Variants in PGPEP1L observed in about 807,000 individuals in gnomAD.
PGPEP1L encodes pyroglutamyl-peptidase I like.
In PGPEP1L, 7 loss-of-function variants were observed where a neutral mutation model predicts 6.0. The ratio of observed to expected loss-of-function variants is 1.17; its 90% CI spans 0.66 to 2.19. The LOEUF is 2.19. Among genes scored for constraint, PGPEP1L ranks in the 30% most tolerant of loss-of-function variants. The pLI, the probability that PGPEP1L is intolerant of heterozygous loss-of-function variation, is 0.00. For synonymous variants in PGPEP1L, 103 were observed against 83.9 expected, an observed-to-expected ratio of 1.23 and a Z score of -1.24; for missense variants, 209 against 192.5, an observed-to-expected ratio of 1.09 and a Z score of -0.51.
intron 2 of PGPEP1L, among the ~76,000 whole-genome samples, chr15:98,982,028 G>A (rs1465541536): frequency 6.6e-6 from 1 of 152,160 alleles, no homozygotes; most frequent in Non-Finnish European, 1.5e-5. Context: ...TGTCAACGTG[G>A]GAATGGATTT....
rs35480332 is a variant in PGPEP1L, at chr15:98,979,032, GATAT to G, written c.-141-7878_-141-7875del. Among the ~76,000 whole-genome samples the G allele has an allele frequency of 9.3e-3, 1,356 of 145,348 alleles. 15 individuals are homozygous for G. Among genetic ancestry groups the G allele is most frequent in the African/African-American group, 0.032 (1,207 of 37,648 alleles). On this transcript the variant is annotated intron_variant, in intron 2 of 4. Coordinates refer to ENST00000535714, the MANE Select transcript of PGPEP1L (RefSeq NM_001167902.2). ...TGTGAGCCGCCGCGCCTGGCTACAG[GATAT>G]ATATATATATATATTTTTATTACAT... is the stretch of plus-strand genomic sequence containing the variant.
chr15:98,979,043 A>G (rs1003536008), intron 2 of PGPEP1L, among the ~76,000 whole-genome samples: 8 of 151,054 alleles, frequency 5.3e-5, no homozygotes, highest in African/African-American at 2.0e-4. Flanking sequence ...ATATATATAT[A>G]TATATATTTT....
At chr15:98,989,498 G>A (rs562828954) in intron 2 of PGPEP1L, among the ~76,000 whole-genome samples, 3 of 152,342 alleles carry the variant, frequency 2.0e-5, no homozygotes, top group East Asian at 1.9e-4. Flanking sequence ...ACAAATCTAC[G>A]TTTGATTGGT....
At chr15:98,990,629 G>C (rs1047298040) in intron 2 of PGPEP1L, among the ~76,000 whole-genome samples, 4 of 152,146 alleles carry the variant, frequency 2.6e-5, no homozygotes, top group Non-Finnish European at 5.9e-5. Flanking sequence ...GACATCTACA[G>C]AACTCTCCAC....
At chr15:98,998,566 T>C (rs782524485) in intron 2 of PGPEP1L, among the ~76,000 whole-genome samples, 8 of 152,204 alleles carry the variant, frequency 5.3e-5, no homozygotes, top group Non-Finnish European at 7.3e-5. Flanking sequence ...AGGGATAGGT[T>C]CGTCAACCAA....
intron 2 of PGPEP1L, among the ~76,000 whole-genome samples, chr15:99,002,657 A>G (rs1483507509): frequency 1.3e-5 from 2 of 150,928 alleles, no homozygotes; most frequent in African/African-American, 4.9e-5. Context: ...TTCAAAATAA[A>G]AAGTTTTAAA....
At chr15:98,983,057 G>A (rs2017690974) in intron 2 of PGPEP1L, among the ~76,000 whole-genome samples, 1 of 151,648 alleles carries the variant, frequency 6.6e-6, no homozygotes, top group Admixed American at 6.6e-5. Context: ...ACCCACTCTG[G>A]ACTAATTGGA....
chr15:98,996,022 T>C (rs1469452212), intron 2 of PGPEP1L, among the ~76,000 whole-genome samples: 1 of 152,214 alleles, frequency 6.6e-6, no homozygotes, highest in African/African-American at 2.4e-5. Context: ...CTGTTTTAAA[T>C]TTCTGTAAGT....
chr15:98,968,520 G>A lies in PGPEP1L; in HGVS notation c.387C>T (p.Phe129=), dbSNP rs376920074. 144 of 1,613,454 alleles carry A rather than the reference G, an allele frequency of 8.9e-5. No homozygotes were observed. The highest frequency in any genetic ancestry group is 2.1e-4 in the African/African-American group (16 of 74,822). The change falls in exon 5 of 5, where the codon TTC becomes TTT. Residue 129 remains phenylalanine (F), a synonymous_variant. Transcript: ENST00000535714. ...GAAGGACCATGGTTGAGTTTTCTTCGAACTGGGCTCTGTGCTTGGGCTTTC... is the reference window on the plus strand; with the variant it reads ...GAAGGACCATGGTTGAGTTTTCTTCAAACTGGGCTCTGTGCTTGGGCTTTC... ...EVGKPKHRAQ[F]EENSTMVLPA...
At chr15:98,972,563 A>G (rs918200858) in intron 2 of PGPEP1L, among the ~76,000 whole-genome samples, 11 of 151,988 alleles carry the variant, frequency 7.2e-5, no homozygotes, top group South Asian at 2.1e-4. Context: ...AATGGATTAA[A>G]TTATCCAATT....
chr15:98,983,452 T>G (rs946455890), intron 2 of PGPEP1L, among the ~76,000 whole-genome samples: 5 of 152,220 alleles, frequency 3.3e-5, no homozygotes, highest in Non-Finnish European at 7.3e-5. Flanking sequence ...TAGGCTGTAT[T>G]TTAAGTGCAG....
In PGPEP1L at chr15:98,986,732, C is replaced by T. The variant is rs537357680; in HGVS notation, c.-141-15574G>A. ...CATGGAGAACTTTGCTCTTAGCCTA[C>T]GGGGTCTGTGCTAACTCCAGATAAT... On this transcript the variant is annotated intron_variant, in intron 2 of 4. Coordinates refer to ENST00000535714, the MANE Select transcript of PGPEP1L (RefSeq NM_001167902.2). Among the ~76,000 whole-genome samples the T allele has an allele frequency of 1.8e-3, 278 of 152,242 alleles. 4 individuals carry two copies. The highest frequency in any genetic ancestry group is 0.014 in the Middle Eastern group (4 of 294).
At chr15:98,980,757 C>A (rs1223144748) in intron 2 of PGPEP1L, among the ~76,000 whole-genome samples, 1 of 152,104 alleles carries the variant, frequency 6.6e-6, no homozygotes, top group Admixed American at 6.5e-5. Context: ...AAGAGTGAAA[C>A]CCCGTCGCTA....
chr15:99,006,041 G>A (rs1176028231), intron 1 of PGPEP1L, among the ~76,000 whole-genome samples: 2 of 151,876 alleles, frequency 1.3e-5, no homozygotes, highest in African/African-American at 2.4e-5. Context: ...GATGTGAGCA[G>A]AAAAAAAAGA....
Position 98,968,251 on chromosome 15 carries a change from T to A in PGPEP1L, c.*227A>T. On this transcript the variant is annotated 3_prime_UTR_variant, in exon 5 of 5. Coordinates refer to ENST00000535714, the MANE Select transcript of PGPEP1L (RefSeq NM_001167902.2). ...AGATGACTCGGATTTCATTTTATTG[T>A]CATGAAAACCATAACTGAAGCTAGT... The A allele has an allele frequency of 1.8e-6, 1 of 564,642 alleles. No homozygotes were observed. Among genetic ancestry groups the A allele is most frequent in the Non-Finnish European group, 3.2e-6 (1 of 316,534 alleles). 35.0% of individuals were successfully genotyped at this position (564,642 alleles called of 1,614,324 possible).
intron 1 of PGPEP1L, among the ~76,000 whole-genome samples, chr15:99,006,175 A>ACGAGGAT (rs1469517390): frequency 6.6e-6 from 1 of 152,174 alleles, no homozygotes; most frequent in Non-Finnish European, 1.5e-5. Flanking sequence ...GTTTTGAGAA[A>ACGAGGAT]CGAGGATCGC....
chr15:98,971,202 GGGGGGGGGT>G (rs199848298), intron 2 of PGPEP1L, 44 bp from the exon 3 acceptor site: 96,090 of 623,182 alleles, frequency 0.15, 1,474 homozygotes, highest in Non-Finnish European at 0.17. Flanking sequence ...GATGGGGGGG[GGGGGGGGGT>G]GGGCACCAAG....
intron 2 of PGPEP1L, among the ~76,000 whole-genome samples, chr15:98,983,995 G>A (rs2017706244): frequency 6.7e-6 from 1 of 149,250 alleles, no homozygotes; most frequent in Non-Finnish European, 1.5e-5. Flanking sequence ...ATGCCTGGCA[G>A]TGGAGTAAGT....
intron 2 of PGPEP1L, among the ~76,000 whole-genome samples, chr15:98,986,599 T>G (rs1294908921): frequency 6.6e-6 from 1 of 152,058 alleles, no homozygotes; most frequent in Admixed American, 6.5e-5. Context: ...GATGAATCAT[T>G]GAACCTGGGG....
Sources: gnomAD v4.1 joint callset for allele counts (sites outside exome capture counted in the v4.1 genomes callset) on GRCh38, gnomAD v4.1.1 for gene constraint, MANE v1.5 for transcripts, NCBI Gene and HGNC (gene_info 2026-07-23, HGNC 2026-07-21) for gene names.